RASEF: variants seen among roughly 807,000 people sequenced by gnomAD.
RASEF encodes ras and EF-hand domain-containing protein.
RASEF carries 68 observed loss-of-function variants against 90.1 expected under a neutral mutation model. The ratio of observed to expected loss-of-function variants is 0.75; its 90% confidence interval spans 0.62 to 0.92. The LOEUF is 0.92. RASEF is among the 40% of genes least tolerant of loss of function. The pLI is 0.00. For missense variants in RASEF, 949 were observed against 937.2 expected (o/e 1.01, Z -0.16); for synonymous variants, 331 against 345.2 (o/e 0.96, Z 0.46).
chr9:83,105,044 C>A, the RASEF span, among the ~76,000 whole-genome samples: 1 of 152,078 alleles, frequency 6.6e-6, no homozygotes, highest in East Asian at 1.9e-4. Context: ...ATTGATGGTA[C>A]AAGCTAAATA....
At chr9:83,206,808 T>C in the RASEF span, among the ~76,000 whole-genome samples, 2 of 152,152 alleles carry the variant, frequency 1.3e-5, no homozygotes, top group Non-Finnish European at 2.9e-5. Context: ...TTTCATACCA[T>C]AGTTGCCTTC....
At chr9:83,111,040 T>C in the RASEF span, among the ~76,000 whole-genome samples, 1 of 152,156 alleles carries the variant, frequency 6.6e-6, no homozygotes, top group South Asian at 2.1e-4. Context: ...AATTTTTAGA[T>C]GCAGAATATA....
intron 1 of RASEF, chr9:83,048,523 A>G: frequency 1.0e-6 from 1 of 985,332 alleles, no homozygotes; most frequent in Non-Finnish European, 1.2e-6. Context: ...CTGGGCATAC[A>G]GTGGATACAA....
the RASEF span, among the ~76,000 whole-genome samples, chr9:83,157,704 T>C: frequency 6.6e-6 from 1 of 152,218 alleles, no homozygotes; most frequent in Admixed American, 6.5e-5. Context: ...GATAATATAG[T>C]TTTAATTTCT....
At chr9:83,108,905 CTCTG>C in the RASEF span, among the ~76,000 whole-genome samples, 1 of 152,170 alleles carries the variant, frequency 6.6e-6, no homozygotes. Context: ...CACAACCCAA[CTCTG>C]AGAAGCCTTT....
At chr9:83,218,726 T>C in the RASEF span, among the ~76,000 whole-genome samples, 1 of 152,194 alleles carries the variant, frequency 6.6e-6, no homozygotes, top group Non-Finnish European at 1.5e-5. Context: ...CGCCCTTGCA[T>C]TCCCACCAGG....
the RASEF span, among the ~76,000 whole-genome samples, chr9:83,202,417 T>A: frequency 6.6e-6 from 1 of 152,152 alleles, no homozygotes; most frequent in African/African-American, 2.4e-5. Context: ...CACATTGTAA[T>A]GATAGAAAGC....
the RASEF span, among the ~76,000 whole-genome samples, chr9:83,194,796 T>G: frequency 2.6e-5 from 4 of 152,220 alleles, no homozygotes; most frequent in African/African-American, 9.6e-5. Flanking sequence ...ATTTTGCTGC[T>G]CAAATTGCTC....
chr9:83,019,924 A>G (rs1306540804), intron 3 of RASEF, among the ~76,000 whole-genome samples: 1 of 152,216 alleles, frequency 6.6e-6, no homozygotes, highest in Non-Finnish European at 1.5e-5. Flanking sequence ...AGGGGCAAAG[A>G]AAGGAGGAAG....
At chr9:83,053,741 TG>T (rs1334270485) in intron 1 of RASEF, among the ~76,000 whole-genome samples, 4 of 146,996 alleles carry the variant, frequency 2.7e-5, no homozygotes, top group African/African-American at 1.1e-4. Flanking sequence ...GCAGGCCTGG[TG>T]GTGACAAAAT....
the RASEF span, among the ~76,000 whole-genome samples, chr9:83,086,243 A>G: frequency 6.6e-6 from 1 of 152,194 alleles, no homozygotes; most frequent in Non-Finnish European, 1.5e-5. Flanking sequence ...TCCAAGAATA[A>G]GATAACAAGA....
the RASEF span, among the ~76,000 whole-genome samples, chr9:83,204,418 G>C: frequency 6.6e-6 from 1 of 152,170 alleles, no homozygotes; most frequent in East Asian, 1.9e-4. Context: ...CAAGATATAA[G>C]GTTCAAGCCC....
intron 7 of RASEF, among the ~76,000 whole-genome samples, chr9:83,006,991 G>C (rs1829144898): frequency 6.6e-6 from 1 of 151,842 alleles, no homozygotes; most frequent in South Asian, 2.1e-4. Flanking sequence ...CTACTCAGGA[G>C]GCTGAGGCAG....
chr9:83,008,580 G>A (rs571133557), intron 6 of RASEF, among the ~76,000 whole-genome samples: 152 of 151,988 alleles, frequency 1.0e-3, no homozygotes, highest in African/African-American at 3.5e-3. Context: ...TAATGCTTGC[G>A]AAGGACCAGG....
the RASEF span, among the ~76,000 whole-genome samples, chr9:83,152,353 A>C: frequency 6.6e-6 from 1 of 152,222 alleles, no homozygotes; most frequent in African/African-American, 2.4e-5. Context: ...CTCTTCATTC[A>C]TGACAATGAA....
At chr9:83,098,053 C>T in the RASEF span, among the ~76,000 whole-genome samples, 1 of 152,154 alleles carries the variant, frequency 6.6e-6, no homozygotes, top group South Asian at 2.1e-4. Context: ...GACAAAGCTA[C>T]AGTCAAATCT....
At chr9:83,049,306 T>G in intron 1 of RASEF, 1 of 985,320 alleles carries the variant, frequency 1.0e-6, no homozygotes, top group Non-Finnish European at 1.2e-6. Flanking sequence ...TTAGCAATAG[T>G]CAGCTAACCT....
chr9:83,052,384 G>A (rs1210697062), intron 1 of RASEF, among the ~76,000 whole-genome samples: 25 of 114,162 alleles, frequency 2.2e-4, no homozygotes, highest in South Asian at 6.6e-4. Context: ...TGGGATCGGT[G>A]GTGATATCCC....
chr9:83,212,811 C>T, the RASEF span, among the ~76,000 whole-genome samples: 1 of 152,084 alleles, frequency 6.6e-6, no homozygotes, highest in Non-Finnish European at 1.5e-5. Flanking sequence ...GAGCAGAAGT[C>T]AAGGGAGAGG....
Sources: allele counts gnomAD v4.1 joint callset (sites outside exome capture counted in the v4.1 genomes callset), GRCh38; gene constraint gnomAD v4.1.1; transcripts MANE v1.5; gene names NCBI Gene and HGNC (gene_info 2026-07-23, HGNC 2026-07-21).